KCNT2: variants seen among roughly 807,000 people sequenced by gnomAD.
KCNT2 encodes the protein potassium channel subfamily T member 2.
Under a neutral mutation model 153.8 loss-of-function variants are expected in KCNT2, and 67 were observed. The observed-to-expected ratio is 0.44, with a 90% CI of 0.36 to 0.53. The LOEUF (loss-of-function observed/expected upper bound fraction) is 0.53. Among genes scored for constraint, KCNT2 ranks in the 20% least tolerant of loss-of-function variants. KCNT2 has a pLI of 0.00. For missense variants in KCNT2, 975 were observed against 1,354.8 expected, an observed-to-expected ratio of 0.72 and a Z score of 4.40; for synonymous variants, 500 against 458.8, an observed-to-expected ratio of 1.09 and a Z score of -1.15.
intron 1 of KCNT2, among the ~76,000 whole-genome samples, chr1:196,587,861 T>C (rs928053660): frequency 2.0e-5 from 3 of 151,962 alleles, no homozygotes; most frequent in Non-Finnish European, 4.4e-5. Flanking sequence ...ATTAAGACAG[T>C]TCAAATTATC....
chr1:196,521,782 T>C (rs1653455845), intron 1 of KCNT2, among the ~76,000 whole-genome samples: 1 of 151,852 alleles, frequency 6.6e-6, no homozygotes, highest in South Asian at 2.1e-4. Flanking sequence ...CAATAGACAC[T>C]AGGGCCTACT....
At chr1:196,503,428 GC>G (rs1287400979) in intron 1 of KCNT2, among the ~76,000 whole-genome samples, 2 of 152,072 alleles carry the variant, frequency 1.3e-5, no homozygotes, top group Non-Finnish European at 2.9e-5. Context: ...AAACCTAATA[GC>G]TTGCCAATCA....
intron 1 of KCNT2, among the ~76,000 whole-genome samples, chr1:196,593,319 C>T (rs553279030): frequency 0.023 from 3,220 of 141,594 alleles, 101 homozygotes; most frequent in African/African-American, 0.07. Context: ...TATACACACA[C>T]ACACACACAC....
intron 26 of KCNT2, among the ~76,000 whole-genome samples, chr1:196,239,120 T>A (rs1455199658): frequency 6.6e-6 from 1 of 151,934 alleles, no homozygotes; most frequent in African/African-American, 2.4e-5. Context: ...TAAAATAAAT[T>A]TTATTTGGTA....
chr1:196,422,743 C>G (rs987724266), intron 12 of KCNT2, among the ~76,000 whole-genome samples: 1 of 151,796 alleles, frequency 6.6e-6, no homozygotes, highest in African/African-American at 2.4e-5. Context: ...AAATTGAGGC[C>G]ACTTTAACAA....
intron 12 of KCNT2, among the ~76,000 whole-genome samples, chr1:196,403,018 A>G (rs1671549041): frequency 6.6e-6 from 1 of 151,722 alleles, no homozygotes; most frequent in African/African-American, 2.4e-5. Context: ...AATTTCTTAC[A>G]AAACTAAGTA....
At chr1:196,502,447 G>A (rs998340204) in intron 1 of KCNT2, among the ~76,000 whole-genome samples, 3 of 152,058 alleles carry the variant, frequency 2.0e-5, no homozygotes, top group South Asian at 4.1e-4. Flanking sequence ...ATAGAGACAC[G>A]TATATGCACA....
At chr1:196,286,647 A>G (rs1437709929) in intron 22 of KCNT2, among the ~76,000 whole-genome samples, 1 of 151,428 alleles carries the variant, frequency 6.6e-6, no homozygotes, top group Non-Finnish European at 1.5e-5. Flanking sequence ...ATACACACAC[A>G]CACACACACA....
At chr1:196,579,785 A>G (rs573141823) in intron 1 of KCNT2, among the ~76,000 whole-genome samples, 1 of 150,488 alleles carries the variant, frequency 6.6e-6, no homozygotes, top group South Asian at 2.1e-4. Context: ...GAGCCACCAC[A>G]CTCCTCCCAG....
intron 1 of KCNT2, among the ~76,000 whole-genome samples, chr1:196,511,353 C>T (rs921575470): frequency 2.0e-5 from 3 of 152,076 alleles, no homozygotes; most frequent in African/African-American, 7.2e-5. Flanking sequence ...ACAAAAAGCT[C>T]CAAAGAAATT....
intron 17 of KCNT2, among the ~76,000 whole-genome samples, chr1:196,331,666 G>A (rs1664477796): frequency 6.6e-6 from 1 of 152,028 alleles, no homozygotes; most frequent in Non-Finnish European, 1.5e-5. Flanking sequence ...CAAAAAGCCT[G>A]AAATATTTAC....
chr1:196,572,327 G>A (rs1660875967), intron 1 of KCNT2, among the ~76,000 whole-genome samples: 1 of 152,084 alleles, frequency 6.6e-6, no homozygotes, highest in African/African-American at 2.4e-5. Flanking sequence ...AACTTGGGTA[G>A]TAGTAGATGT....
intron 8 of KCNT2, among the ~76,000 whole-genome samples, chr1:196,444,106 G>C (rs1400259347): frequency 6.6e-6 from 1 of 151,406 alleles, no homozygotes; most frequent in Non-Finnish European, 1.5e-5. Context: ...AAGAGAGAGA[G>C]AGAGTATGTG....
chr1:196,535,951 T>C (rs1655503961), intron 1 of KCNT2, among the ~76,000 whole-genome samples: 1 of 152,204 alleles, frequency 6.6e-6, no homozygotes, highest in African/African-American at 2.4e-5. Flanking sequence ...CGCCTTGGCC[T>C]GCTCCTGACT....
At chr1:196,542,577 C>T (rs1322534163) in intron 1 of KCNT2, among the ~76,000 whole-genome samples, 2 of 152,036 alleles carry the variant, frequency 1.3e-5, no homozygotes, top group Non-Finnish European at 2.9e-5. Context: ...ACCTGCTCAT[C>T]CTCAAAGAAC....
At chr1:196,444,279 GTGA>G (rs759508810) in intron 8 of KCNT2, among the ~76,000 whole-genome samples, 2 of 151,366 alleles carry the variant, frequency 1.3e-5, no homozygotes, top group Non-Finnish European at 1.5e-5. Context: ...GAAGCTCACT[GTGA>G]TATCAGAAAT....
chr1:196,494,713 C>T (rs1287599039), intron 1 of KCNT2, among the ~76,000 whole-genome samples: 2 of 152,012 alleles, frequency 1.3e-5, no homozygotes, highest in African/African-American at 2.4e-5. Flanking sequence ...GAAAACATAC[C>T]ACATATGGAA....
chr1:196,469,178 A>C, intron 5 of KCNT2, 110 bp from the exon 6 acceptor site: 1 of 655,374 alleles, frequency 1.5e-6, no homozygotes, highest in Non-Finnish European at 2.8e-6. Context: ...TTCCATTAAC[A>C]GAATACTGAA....
At chr1:196,541,802 A>C (rs914566594) in intron 1 of KCNT2, among the ~76,000 whole-genome samples, 1 of 152,086 alleles carries the variant, frequency 6.6e-6, no homozygotes, top group African/African-American at 2.4e-5. Flanking sequence ...AGGACATGAG[A>C]TATGCCATAA....
Sources: allele counts gnomAD v4.1 joint callset (sites outside exome capture counted in the v4.1 genomes callset), GRCh38; gene constraint gnomAD v4.1.1; transcripts MANE v1.5; gene names NCBI Gene and HGNC (gene_info 2026-07-23, HGNC 2026-07-21).